The following RUNX1T1 variants were observed in gnomAD, a reference collection of about 807,000 sequenced individuals.
RUNX1T1 encodes protein CBFA2T1.
RUNX1T1 carries 4 observed loss-of-function variants against 62.8 expected under a neutral mutation model. That is an observed-to-expected ratio of 0.06 (90% CI 0.03 to 0.15). The LOEUF (loss-of-function observed/expected upper bound fraction) is 0.15. Among genes scored for constraint, RUNX1T1 ranks in the 10% least tolerant of loss-of-function variants. The probability of loss-of-function intolerance (pLI) is 1.00; values close to 1 mark genes in which losing one functional copy is unlikely to be tolerated. For missense variants in RUNX1T1, 508 were observed against 754.3 expected (o/e 0.67, Z 3.82); for synonymous variants, 291 against 286.0 (o/e 1.02, Z -0.18).
chr8:92,000,095 C>CA (rs1230626240), intron 5 of RUNX1T1, among the ~76,000 whole-genome samples: 2 of 152,038 alleles, frequency 1.3e-5, no homozygotes, highest in Non-Finnish European at 2.9e-5. Flanking sequence ...CACCTGAGGT[C>CA]AGGAGTTTGA....
At chr8:92,034,168 C>T (rs1188245422) in intron 1 of RUNX1T1, among the ~76,000 whole-genome samples, 1 of 151,930 alleles carries the variant, frequency 6.6e-6, no homozygotes, top group Non-Finnish European at 1.5e-5. Context: ...ACCTTTGTAT[C>T]CCATTCATAT....
chr8:92,088,332 T>C (rs1318140732), intron 1 of RUNX1T1, among the ~76,000 whole-genome samples: 1 of 152,224 alleles, frequency 6.6e-6, no homozygotes, highest in East Asian at 1.9e-4. Context: ...GCTATTAGTC[T>C]TCCCTGACCT....
chr8:92,022,151 TAATA>T (rs34924810), intron 1 of RUNX1T1, among the ~76,000 whole-genome samples: 32,971 of 151,782 alleles, frequency 0.22, 3,663 homozygotes, highest in Middle Eastern at 0.26. Context: ...GGAGGATTCT[TAATA>T]AATATGTAGT....
At chr8:92,002,275 A>G (rs1252682799) in intron 5 of RUNX1T1, among the ~76,000 whole-genome samples, 1 of 152,252 alleles carries the variant, frequency 6.6e-6, no homozygotes, top group African/African-American at 2.4e-5. Context: ...TTGTTCAGAG[A>G]CACTCCCCAG....
intron 5 of RUNX1T1, among the ~76,000 whole-genome samples, chr8:92,003,727 G>A (rs1362929412): frequency 1.3e-5 from 2 of 152,118 alleles, no homozygotes; most frequent in Non-Finnish European, 2.9e-5. Flanking sequence ...CCACCTCTTG[G>A]TTTTCAGCAT....
chr8:91,985,881 C>A (rs1349677286), intron 8 of RUNX1T1, among the ~76,000 whole-genome samples: 1 of 152,148 alleles, frequency 6.6e-6, no homozygotes, highest in Non-Finnish European at 1.5e-5. Context: ...TGGTTCAGTG[C>A]TGAAACGCTG....
upstream of RUNX1T1, among the ~76,000 whole-genome samples, chr8:92,066,325 C>A (rs2130669421): frequency 6.6e-6 from 1 of 152,306 alleles, no homozygotes; most frequent in Admixed American, 6.5e-5. Context: ...GTCCCACTTT[C>A]AATTTCAGAC....
chr8:92,078,269 A>T (rs567484740), intron 1 of RUNX1T1, among the ~76,000 whole-genome samples: 6 of 152,068 alleles, frequency 3.9e-5, no homozygotes, highest in African/African-American at 1.4e-4. Flanking sequence ...TTTGTGCTTC[A>T]TATCTCCAAC....
chr8:92,099,527 T>C (rs1837943698), intron 1 of RUNX1T1: 2 of 646,986 alleles, frequency 3.1e-6, no homozygotes, highest in Non-Finnish European at 3.8e-6. Flanking sequence ...AACCTTTAAA[T>C]GCCCAAACAG....
exon 7 of RUNX1T1, chr8:91,986,968 C>A: frequency 6.2e-7 from 1 of 1,606,096 alleles, no homozygotes; most frequent in Non-Finnish European, 8.5e-7. Flanking sequence ...GTGTGCCATG[C>A]AACCCTACAA....
chr8:92,014,529 C>G (rs201545060), intron 3 of RUNX1T1, 50 bp downstream of exon 4: 314 of 1,517,430 alleles, frequency 2.1e-4, no homozygotes, highest in Middle Eastern at 1.3e-3. Flanking sequence ...AGTCTCCCAC[C>G]CACACTATCC....
chr8:91,981,851 T>C (rs1342282660), intron 8 of RUNX1T1, among the ~76,000 whole-genome samples: 2 of 152,180 alleles, frequency 1.3e-5, no homozygotes, highest in African/African-American at 2.4e-5. Flanking sequence ...TACTACCATG[T>C]CATCACAATG....
chr8:92,092,832 G>C (rs1239228652), intron 1 of RUNX1T1, among the ~76,000 whole-genome samples: 2 of 152,122 alleles, frequency 1.3e-5, no homozygotes, highest in Non-Finnish European at 2.9e-5. Context: ...TTAGGCAAGA[G>C]ATTGTCAGAA....
At chr8:92,020,828 T>C (rs1823943285) in intron 1 of RUNX1T1, among the ~76,000 whole-genome samples, 1 of 150,906 alleles carries the variant, frequency 6.6e-6, no homozygotes, top group Admixed American at 6.6e-5. Context: ...CCATTTCCTT[T>C]TTTTTTTTTT....
chr8:91,975,777 GT>G, intron 9 of RUNX1T1, 127 bp downstream of exon 10: 1 of 622,854 alleles, frequency 1.6e-6, no homozygotes, highest in East Asian at 2.7e-5. Context: ...GGTTTTTTTT[GT>G]TTTGTTTTGT....
upstream of RUNX1T1, among the ~76,000 whole-genome samples, chr8:92,101,396 C>T (rs2130955874): frequency 6.6e-6 from 1 of 152,272 alleles, no homozygotes; most frequent in East Asian, 1.9e-4. Context: ...CTCCAGCTCT[C>T]CTGGTCTTCA....
intron 8 of RUNX1T1, among the ~76,000 whole-genome samples, chr8:91,985,416 C>A (rs1023730756): frequency 3.3e-5 from 5 of 152,110 alleles, no homozygotes; most frequent in African/African-American, 1.2e-4. Flanking sequence ...GAAATAGTTA[C>A]ATACTAACAT....
chr8:91,963,443 C>T (rs964739547), intron 10 of RUNX1T1, among the ~76,000 whole-genome samples: 11 of 151,990 alleles, frequency 7.2e-5, no homozygotes, highest in Non-Finnish European at 1.3e-4. Flanking sequence ...CGCTCCAATG[C>T]GCATATTCAT....
intron 4 of RUNX1T1, chr8:92,010,073 A>G (rs1243221670): frequency 6.6e-6 from 1 of 152,178 alleles, no homozygotes; most frequent in African/African-American, 2.4e-5. Flanking sequence ...AATAGATGAA[A>G]TTTCACACAG....
Sources: allele counts gnomAD v4.1 joint callset (sites outside exome capture counted in the v4.1 genomes callset), GRCh38; gene constraint gnomAD v4.1.1; transcripts MANE v1.5; gene names NCBI Gene and HGNC (gene_info 2026-07-23, HGNC 2026-07-21).